RAB30: variants seen among roughly 807,000 people sequenced by gnomAD.
The protein encoded by RAB30 is ras-related protein Rab-30.
A neutral mutation model predicts 25.1 loss-of-function variants in RAB30; 9 were observed. The observed-to-expected ratio is 0.36, with a 90% confidence interval of 0.22 to 0.63. The LOEUF is 0.63. Ranked by LOEUF, RAB30 falls within the 20% of genes least tolerant of loss-of-function variation. The pLI, the probability that RAB30 is intolerant of heterozygous loss-of-function variation, is 0.69. For missense variants in RAB30, 140 were observed against 243.5 expected (o/e 0.58, Z 2.83); for synonymous variants, 77 against 86.4 (o/e 0.89, Z 0.60).
intron 1 of RAB30, among the ~76,000 whole-genome samples, chr11:83,028,769 A>T (rs941139946): frequency 1.3e-5 from 2 of 152,242 alleles, no homozygotes; most frequent in African/African-American, 4.8e-5. Context: ...TATTCCATGC[A>T]CCGTTTTATA....
intron 3 of RAB30, 72 bp from the exon 4 acceptor site, chr11:82,987,842 C>A: frequency 9.5e-7 from 1 of 1,050,428 alleles, no homozygotes; most frequent in East Asian, 3.1e-5. Context: ...AAAAGCTTTG[C>A]CTTGCTTTGG....
At chr11:82,996,236 C>A (rs186975197) in intron 2 of RAB30, among the ~76,000 whole-genome samples, 10 of 152,306 alleles carry the variant, frequency 6.6e-5, no homozygotes, top group Admixed American at 6.5e-4. Context: ...TCGTTTTCCG[C>A]AAAACCACAG....
At chr11:83,023,597 T>C (rs1249323325) in intron 1 of RAB30, among the ~76,000 whole-genome samples, 1 of 152,212 alleles carries the variant, frequency 6.6e-6, no homozygotes, top group Non-Finnish European at 1.5e-5. Context: ...CCTCAGGTCC[T>C]ACCCAGCTCA....
At chr11:83,035,047 T>C (rs1398788109) in intron 1 of RAB30, among the ~76,000 whole-genome samples, 1 of 151,868 alleles carries the variant, frequency 6.6e-6, no homozygotes, top group African/African-American at 2.4e-5. Flanking sequence ...TATTTTTACA[T>C]GCACCGTATC....
chr11:82,983,711 C>G (rs983766996), intron 4 of RAB30, among the ~76,000 whole-genome samples: 1 of 151,910 alleles, frequency 6.6e-6, no homozygotes, highest in Non-Finnish European at 1.5e-5. Flanking sequence ...TGGGATTACA[C>G]GCAATTGAGC....
chr11:83,000,955 G>C (rs1857067017), intron 1 of RAB30, among the ~76,000 whole-genome samples: 1 of 145,836 alleles, frequency 6.9e-6, no homozygotes, highest in Non-Finnish European at 1.5e-5. Context: ...GCTGAGGTAG[G>C]AGAATGGCGT....
rs1474282268 is a variant in RAB30 at position 82,977,347 on chromosome 11, G to T, written c.*4818C>A. 1 of 152,054 alleles carries T rather than the reference G, an allele frequency of 6.6e-6. No homozygotes were observed. The highest frequency in any genetic ancestry group is 1.5e-5 in the Non-Finnish European group (1 of 68,008). 9.4% of individuals were successfully genotyped at this position (152,054 alleles called of 1,614,324 possible). ...GATGCACTTGTGGCAGAAGAACGAG[G>T]CCCCATTAAAAAAATCATTAGCTAT... On this transcript the variant is annotated 3_prime_UTR_variant, in exon 5 of 5. Coordinates refer to ENST00000527633, the MANE Select transcript of RAB30 (RefSeq NM_001286060.2).
intron 1 of RAB30, among the ~76,000 whole-genome samples, chr11:83,009,551 A>G (rs1399441064): frequency 1.3e-5 from 2 of 152,166 alleles, no homozygotes; most frequent in African/African-American, 4.8e-5. Context: ...AAGAAAATAT[A>G]AATTCTGGGA....
chr11:82,997,162 C>A, intron 2 of RAB30, 62 bp downstream of exon 2: 2 of 1,377,396 alleles, frequency 1.5e-6, no homozygotes, highest in South Asian at 2.4e-5. Flanking sequence ...TTCCCCCAAC[C>A]CCTCAGGCTA....
chr11:83,066,501 A>T (rs1858700092), intron 1 of RAB30, among the ~76,000 whole-genome samples: 3 of 152,248 alleles, frequency 2.0e-5, no homozygotes, highest in Admixed American at 2.0e-4. Context: ...AATATTTCTG[A>T]ATTTCCCTAA....
chr11:82,997,874 C>T (rs1856991569), intron 1 of RAB30, among the ~76,000 whole-genome samples: 1 of 152,174 alleles, frequency 6.6e-6, no homozygotes, highest in Admixed American at 6.5e-5. Flanking sequence ...CCTCTATCTC[C>T]TATACATCTC....
chr11:83,000,825 G>A (rs534291328), intron 1 of RAB30, among the ~76,000 whole-genome samples: 112 of 151,832 alleles, frequency 7.4e-4, no homozygotes, highest in African/African-American at 2.5e-3. Flanking sequence ...AGGCCGAGGC[G>A]GGCGGATCAC....
chr11:83,014,502 T>C (rs1857371503), intron 1 of RAB30, among the ~76,000 whole-genome samples: 1 of 151,934 alleles, frequency 6.6e-6, no homozygotes, highest in African/African-American at 2.4e-5. Flanking sequence ...GCTTTGATGA[T>C]GCCAGTGCAC....
At position 82,973,649 on chromosome 11, in the gene RAB30, T is replaced by C. The variant is rs1856492574; in HGVS notation, c.*8516A>G. On this transcript the variant is annotated 3_prime_UTR_variant, in exon 5 of 5. Coordinates refer to ENST00000527633, the MANE Select transcript of RAB30 (RefSeq NM_001286060.2). The stretch of plus-strand genomic sequence containing the variant: ...GGGAGTTAGTCTTTATTCAGAGGTC[T>C]CCTAATTGATCAATTAAACTAAGAT... 1 of 152,190 alleles carries C rather than the reference T, an allele frequency of 6.6e-6. No individual in the cohort carries two copies. The allele number at this position is 152,190 out of a possible 1,614,324, so 9.4% of individuals were successfully genotyped here.
chr11:83,070,682 G>A (rs1015615375), intron 1 of RAB30, among the ~76,000 whole-genome samples: 4 of 152,060 alleles, frequency 2.6e-5, no homozygotes, highest in Non-Finnish European at 5.9e-5. Context: ...AGAGCATCAT[G>A]TAAGTCAGAA....
intron 1 of RAB30, among the ~76,000 whole-genome samples, chr11:83,032,039 G>T (rs1421435272): frequency 6.6e-6 from 1 of 152,134 alleles, no homozygotes; most frequent in Non-Finnish European, 1.5e-5. Flanking sequence ...AGAAAGACTG[G>T]AAGTAGAAAA....
At chr11:83,037,976 G>A (rs776295249) in intron 1 of RAB30, among the ~76,000 whole-genome samples, 38 of 152,256 alleles carry the variant, frequency 2.5e-4, no homozygotes, top group Middle Eastern at 3.4e-3. Flanking sequence ...AGGCTGTCTC[G>A]TGGTCAGAGT....
chr11:82,986,815 A>G (rs1856746689), intron 4 of RAB30, among the ~76,000 whole-genome samples: 1 of 152,204 alleles, frequency 6.6e-6, no homozygotes, highest in African/African-American at 2.4e-5. Flanking sequence ...ACACTATTCT[A>G]AAGTGTTTAC....
At chr11:83,047,768 C>G (rs578108834) in intron 1 of RAB30, among the ~76,000 whole-genome samples, 1 of 151,574 alleles carries the variant, frequency 6.6e-6, no homozygotes, top group South Asian at 2.1e-4. Context: ...TTTTTTCTTT[C>G]AGTCTTCCTC....
Sources: allele counts gnomAD v4.1 joint callset (sites outside exome capture counted in the v4.1 genomes callset), GRCh38; gene constraint gnomAD v4.1.1; transcripts MANE v1.5; gene names NCBI Gene and HGNC (gene_info 2026-07-23, HGNC 2026-07-21).